ARHGAP30: variants seen among roughly 807,000 people sequenced by gnomAD.
ARHGAP30 encodes rho GTPase-activating protein 30.
ARHGAP30 carries 23 observed loss-of-function variants against 72.0 expected under a neutral mutation model. That is an observed-to-expected ratio of 0.32 (90% CI 0.23 to 0.45). The LOEUF is 0.45. Ranked by LOEUF, ARHGAP30 falls within the 20% of genes least tolerant of loss-of-function variation. The pLI is 1.00. For synonymous variants in ARHGAP30, 576 were observed against 528.2 expected, an observed-to-expected ratio of 1.09 and a Z score of -1.24; for missense variants, 1,319 against 1,383.4, an observed-to-expected ratio of 0.95 and a Z score of 0.74.
intron 10 of ARHGAP30, 142 bp downstream of exon 10, chr1:161,051,172 C>G: frequency 7.3e-7 from 1 of 1,378,604 alleles, no homozygotes. Flanking sequence ...AATCCTGAAT[C>G]TAGGGAGGCA....
rs1653026045 is a variant in ARHGAP30, at chr1:161,069,600, T to G, written c.25A>C (p.Lys9Gln). MKSRQKGK[K>Q]KGSAKERVFG... ...ACCCGCTCCTTTGCGCTGCCCTTCT[T>G]CTTTCCTTTCTGCCGAGACTTCATG... is the stretch of plus-strand genomic sequence containing the variant. The change falls in exon 1 of 12, where the codon AAG (lysine) becomes CAG (glutamine). Residue 9 changes from lysine (K) to glutamine (Q), a missense_variant. Lys to Gln is a moderately conservative substitution (Grantham distance 53, BLOSUM62 1). Transcript: ENST00000368013. This position sits in a 1 kb window ranked among gnomAD's most constrained non-coding sequence, Gnocchi z 4.9. 4 of 1,610,994 alleles carry G rather than the reference T, an allele frequency of 2.5e-6. No homozygotes were observed. Among genetic ancestry groups the G allele is most frequent in the Non-Finnish European group, 3.4e-6 (4 of 1,179,986 alleles).
Position 161,047,810 on chromosome 1 carries a change from T to TG in ARHGAP30, c.3210dup (p.Arg1071GlnfsTer7), listed in dbSNP as rs2102022064. ...AGGGGGTCAGGAACCTGGGGTTCTC[T>TG]GGGGGGCAGACTAAGACGACTCCGG... is the stretch of plus-strand genomic sequence containing the variant. On this transcript the variant is annotated frameshift_variant, in exon 12 of 12. Coordinates refer to ENST00000368013, the MANE Select transcript of ARHGAP30 (RefSeq NM_001025598.2). LOFTEE classifies it high-confidence loss of function. 1.2e-6 allele frequency: 2 copies of TG among 1,606,384 alleles called. No homozygotes were observed. The highest frequency in any genetic ancestry group is 1.7e-5 in the Admixed American group (1 of 58,110).
chr1:161,049,796 G>A (rs1033916658), intron 10 of ARHGAP30, 107 bp from the exon 11 acceptor site: 37 of 1,409,810 alleles, frequency 2.6e-5, no homozygotes, highest in Non-Finnish European at 2.3e-5. Flanking sequence ...TCCCAGCATT[G>A]CTACTCTGCA....
In ARHGAP30 at chr1:161,069,732, G is replaced by T. The variant is rs962238308; in HGVS notation, c.-108C>A. On this transcript the variant is annotated 5_prime_UTR_variant, in exon 1 of 12. Transcript: ENST00000368013. This position sits in a 1 kb window ranked among gnomAD's most constrained non-coding sequence, Gnocchi z 4.9. ...GCTGCTGGGCTTGGCCCGGCCCCAG[G>T]GGGGCAGGGCTCCCAATTGGGGGTG... 3.2e-6 allele frequency: 4 copies of T among 1,259,230 alleles called. No homozygotes were observed. Among genetic ancestry groups the T allele is most frequent in the Admixed American group, 2.1e-5 (1 of 47,500 alleles). 78.0% of individuals were successfully genotyped at this position (1,259,230 alleles called of 1,614,324 possible).
intron 10 of ARHGAP30, among the ~76,000 whole-genome samples, chr1:161,050,412 C>T (rs1651265471): frequency 6.6e-6 from 1 of 150,404 alleles, no homozygotes; most frequent in Admixed American, 6.7e-5. Flanking sequence ...AATTCTCCTG[C>T]CTCAGCCTTC....
intron 2 of ARHGAP30, among the ~76,000 whole-genome samples, chr1:161,058,468 G>C (rs956548813): frequency 3.4e-5 from 5 of 146,924 alleles, no homozygotes; most frequent in African/African-American, 1.3e-4. Context: ...CTCTACTAAA[G>C]ATACAAAAAT....
intron 10 of ARHGAP30, among the ~76,000 whole-genome samples, chr1:161,050,644 T>G (rs1336881714): frequency 6.6e-6 from 1 of 151,112 alleles, no homozygotes; most frequent in Non-Finnish European, 1.5e-5. Flanking sequence ...TTTTTGTTTT[T>G]TTTTTTTTAA....
In ARHGAP30 at chr1:161,053,316, G is replaced by A. The variant is rs749390753; in HGVS notation, c.606C>T (p.Ile202=). ...AAFMEVRVQS[I]VVEFILTHVD... ...CGTGTGTGAGGATGAACTCCACGAC[G>A]ATGGATTGTACCCGCACCTCCATGA... The change falls in exon 6 of 12, where the codon ATC becomes ATT. Residue 202 remains isoleucine (I), a synonymous_variant. Coordinates refer to ENST00000368013, the MANE Select transcript of ARHGAP30 (RefSeq NM_001025598.2). 13 of 1,614,028 alleles carry A rather than the reference G, an allele frequency of 8.1e-6. No individual in the cohort carries two copies. Among genetic ancestry groups the A allele is most frequent in the South Asian group, 4.4e-5 (4 of 91,084 alleles).
In ARHGAP30 at chr1:161,049,446, T is replaced by G. The variant is rs774746220; in HGVS notation, c.1664A>C (p.Glu555Ala). 4.0e-5 allele frequency: 65 copies of G among 1,611,510 alleles called. 2 individuals are homozygous for G. The Middle Eastern group carries it at 1.7e-3, about 41-fold the overall frequency. Residue 555 changes from glutamate to alanine, a missense_variant, in exon 11 of 12, where the codon GAG becomes GCG. Glu to Ala is a moderately radical substitution (Grantham distance 107). Transcript: ENST00000368013. ...TACCTGAGGCCCAACTCCCAGGAGC[T>G]CCTCCAGGTAGCCCATCCCAGGGTC... ...EDDPGMGYLE[E>A]LLGVGPQVEE...
At chr1:161,049,714 G>A (rs1651205830) in intron 10 of ARHGAP30, 25 bp from the exon 11 acceptor site, 2 of 1,605,340 alleles carry the variant, frequency 1.2e-6, no homozygotes, top group Non-Finnish European at 1.7e-6. Flanking sequence ...GTAGTCCCAG[G>A]AATACAAAGG....
rs1651059300 is a variant in ARHGAP30 at position 161,048,513 on chromosome 1, C to G, written c.2508G>C (p.Lys836Asn). ...ATEGGAGEVS[K>N]ERESGDGEAE... is the part of the protein sequence containing the mutation. ...CCTCTCCATCCCCACTCTCCCGTTCCTTGCTGACCTCCCCTGCTCCTCCTT... is the reference window on the plus strand; with the variant it reads ...CCTCTCCATCCCCACTCTCCCGTTCGTTGCTGACCTCCCCTGCTCCTCCTT... The change falls in exon 12 of 12, where the codon AAG becomes AAC. Residue 836 changes from lysine to asparagine, a missense_variant. By Grantham distance (94) the Lys-to-Asn change is moderately conservative. Transcript: ENST00000368013. 1.2e-6 allele frequency: 2 copies of G among 1,614,148 alleles called. No individual in the cohort carries two copies. Among genetic ancestry groups the G allele is most frequent in the Non-Finnish European group, 1.7e-6 (2 of 1,180,018 alleles).
chr1:161,049,099 C>T lies in ARHGAP30; in HGVS notation c.1922G>A (p.Gly641Glu). 1 of 1,614,170 alleles carries T rather than the reference C, an allele frequency of 6.2e-7. No homozygotes were observed. Among genetic ancestry groups the T allele is most frequent in the Non-Finnish European group, 8.5e-7 (1 of 1,180,016 alleles). ...CCCACCCTGTCCCAGAGCCTGCCTTCCACATCCTGCTGCCTCTCCCTCCAG... is the reference window on the plus strand; with the variant it reads ...CCCACCCTGTCCCAGAGCCTGCCTTTCACATCCTGCTGCCTCTCCCTCCAG... ...GSLEGEAAGCGRQALGQGGEE... is the reference protein window; with the variant it reads ...GSLEGEAAGCERQALGQGGEE... The change falls in exon 12 of 12, where the codon GGA becomes GAA. Residue 641 changes from glycine (G) to glutamate (E), a missense_variant. Physicochemically the swap from Gly to Glu is moderately conservative, Grantham distance 98 (BLOSUM62 -2). Around this residue, in one of 2 missense-constraint regions of ARHGAP30, gnomAD observed 1,097 missense variants for 1,045.2 expected, o/e 1.05. Coordinates refer to ENST00000368013, the MANE Select transcript of ARHGAP30 (RefSeq NM_001025598.2).
intron 1 of ARHGAP30, among the ~76,000 whole-genome samples, chr1:161,060,689 G>A (rs1307517860): frequency 2.7e-5 from 4 of 147,704 alleles, no homozygotes; most frequent in Non-Finnish European, 5.9e-5. Flanking sequence ...GGGAGGCAGA[G>A]TCAAGGACTT....
intron 3 of ARHGAP30, among the ~76,000 whole-genome samples, chr1:161,055,317 C>G (rs1651740984): frequency 2.0e-5 from 3 of 152,040 alleles, no homozygotes; most frequent in African/African-American, 7.3e-5. Flanking sequence ...CACAGCAAGA[C>G]CTTGTCTCTA....
rs754447881 is a variant in ARHGAP30 at position 161,059,619 on chromosome 1, C to T, written c.195G>A (p.Lys65=). The T allele has an allele frequency of 2.5e-6, 4 of 1,612,452 alleles. No homozygotes were observed. In the South Asian group the frequency reaches 4.4e-5, roughly 18 times the overall value. ...TCCCACTCTGTTTGACTCACCGAAG[C>T]TTCTGGATGTTGGAGGAGACCCCTG... The part of the protein sequence containing the change: ...RLSGVSSNIQ[K]LRQEFESERK... Residue 65 remains lysine, a synonymous_variant, in exon 2 of 12, where the codon AAG becomes AAA. Transcript: ENST00000368013.
At chr1:161,064,805 A>C (rs889006036) in intron 1 of ARHGAP30, among the ~76,000 whole-genome samples, 5 of 72,438 alleles carry the variant, frequency 6.9e-5, no homozygotes, top group African/African-American at 4.0e-4. Context: ...GAAAGAAAGA[A>C]AGAAAGAAAG....
chr1:161,061,881 A>G (rs976333081), intron 1 of ARHGAP30, among the ~76,000 whole-genome samples: 2 of 152,156 alleles, frequency 1.3e-5, no homozygotes, highest in African/African-American at 4.8e-5. Context: ...TGAGGTCAGG[A>G]GTTCGAGACC....
rs998728014 is a variant in ARHGAP30, at chr1:161,069,786, TCCTGCCC to T, written c.-169_-163del. The T allele has an allele frequency of 1.5e-6, 1 of 686,604 alleles. No homozygotes were observed. The highest frequency in any genetic ancestry group is 2.9e-5 in the Admixed American group (1 of 34,112). 42.5% of individuals were successfully genotyped at this position (686,604 alleles called of 1,614,324 possible). ...GGTGGCCTGGGCAACGGGCAGCAGC[TCCTGCCC>T]CTGGGGCCCCGGCCACACGGAAGTG... On this transcript the variant is annotated 5_prime_UTR_variant, in exon 1 of 12. Transcript: ENST00000368013. The surrounding 1 kb of genome is among the most constrained non-coding windows in gnomAD (Gnocchi z 4.9).
At chr1:161,056,577 T>C (rs370783097) in intron 2 of ARHGAP30, 45 bp from the exon 3 acceptor site, 33 of 1,590,020 alleles carry the variant, frequency 2.1e-5, no homozygotes, top group East Asian at 6.7e-5. Flanking sequence ...GTTGGGGTGA[T>C]GTGGGGAGAG....
Sources: gnomAD v4.1 joint callset for allele counts (sites outside exome capture counted in the v4.1 genomes callset) on GRCh38, gnomAD v4.1.1 for gene constraint, gnomAD v4.1.1 regional missense constraint, Gnocchi (gnomAD v3.1) non-coding constraint, MANE v1.5 for transcripts, NCBI Gene and HGNC (gene_info 2026-07-23, HGNC 2026-07-21) for gene names.